SCML4: variants seen among roughly 807,000 people sequenced by gnomAD.
SCML4 encodes sex comb on midleg-like protein 4.
A neutral mutation model predicts 41.1 loss-of-function variants in SCML4; 34 were observed. The ratio of observed to expected loss-of-function variants is 0.83; its 90% CI spans 0.63 to 1.10. The LOEUF is 1.10. SCML4 is among the 50% of genes least tolerant of loss of function. The pLI is 0.00. For missense variants in SCML4, 522 were observed against 534.1 expected, an observed-to-expected ratio of 0.98 and a Z score of 0.22; for synonymous variants, 214 against 220.9, an observed-to-expected ratio of 0.97 and a Z score of 0.28.
chr6:107,789,754 A>C (rs1458058194), intron 1 of SCML4, among the ~76,000 whole-genome samples: 1 of 152,194 alleles, frequency 6.6e-6, no homozygotes, highest in East Asian at 1.9e-4. Context: ...GAGGATTCCC[A>C]GCCTTGGTGG....
intron 2 of SCML4, among the ~76,000 whole-genome samples, chr6:107,770,865 G>T (rs1247775311): frequency 6.6e-6 from 1 of 152,154 alleles, no homozygotes; most frequent in Non-Finnish European, 1.5e-5. Flanking sequence ...TCGAATCCTG[G>T]ATTTGCTCGA....
chr6:107,811,834 C>T lies in SCML4; in HGVS notation c.-60+12292G>A, dbSNP rs542342370. On this transcript the variant is annotated intron_variant, in intron 1 of 7. Transcript: ENST00000369020. ...CAGAACCCAGAGGGGGACATGAAAACGTCCAGCTTCCTTTATGGCTGTGAG... is the reference window on the plus strand; with the variant it reads ...CAGAACCCAGAGGGGGACATGAAAATGTCCAGCTTCCTTTATGGCTGTGAG... 3.3e-5 allele frequency among the ~76,000 whole-genome samples: 5 copies of T among 152,284 alleles called. No homozygotes were observed. In the East Asian group the frequency reaches 5.8e-4, roughly 18 times the overall value.
At chr6:107,822,675 C>T (rs184481052) in intron 1 of SCML4, among the ~76,000 whole-genome samples, 16 of 152,106 alleles carry the variant, frequency 1.1e-4, no homozygotes, top group East Asian at 9.6e-4. Flanking sequence ...AGCTCATCTA[C>T]GTACACAATT....
In SCML4 at chr6:107,707,876, A is replaced by C. The variant is rs1462236232; in HGVS notation, c.1109T>G (p.Phe370Cys). Residue 370 changes from phenylalanine (F) to cysteine (C), a missense_variant, in exon 7 of 8, where the codon TTC becomes TGC. Physicochemically the swap from Phe to Cys is radical, Grantham distance 205. Transcript: ENST00000369020. Reference sequence around the variant, plus strand: ...CCACCACTCGCATACGTGCTTTCTGAAGAGCTCCACGTGAGGCCCCAGAGC... The same window carrying C: ...CCACCACTCGCATACGTGCTTTCTGCAGAGCTCCACGTGAGGCCCCAGAGC... ...PQALGPHVELFRKHEIDGNAL... is the reference protein window; with the variant it reads ...PQALGPHVELCRKHEIDGNAL... The C allele has an allele frequency of 6.4e-7, 1 of 1,551,628 alleles. No individual in the cohort carries two copies. Among genetic ancestry groups the C allele is most frequent in the Non-Finnish European group, 8.7e-7 (1 of 1,146,980 alleles).
chr6:107,802,519 T>C (rs2114635707), intron 1 of SCML4, among the ~76,000 whole-genome samples: 1 of 132,286 alleles, frequency 7.6e-6, no homozygotes, highest in South Asian at 2.4e-4. Flanking sequence ...GGGAGAGAGG[T>C]GGGGGCAGAG....
At chr6:107,816,223 C>G (rs999070421) in intron 1 of SCML4, among the ~76,000 whole-genome samples, 3 of 152,096 alleles carry the variant, frequency 2.0e-5, no homozygotes, top group Non-Finnish European at 2.9e-5. Flanking sequence ...GGATCAAACA[C>G]GATAAGTAAG....
chr6:107,745,273 C>T, intron 4 of SCML4, 130 bp from the exon 5 acceptor site: 1 of 674,270 alleles, frequency 1.5e-6, no homozygotes, highest in Non-Finnish European at 2.5e-6. Flanking sequence ...TGGATTTCAC[C>T]TGTTTGTTCA....
rs73762063 is a variant in SCML4, at chr6:107,754,199, T to A, written c.157-4386A>T. ...GCTCTCAAGGGAACCTCTATATTAATCAGAAACTATAATTAACAATAGAGA... is the reference window on the plus strand; with the variant it reads ...GCTCTCAAGGGAACCTCTATATTAAACAGAAACTATAATTAACAATAGAGA... On this transcript the variant is annotated intron_variant, in intron 2 of 7. Coordinates refer to ENST00000369020, the MANE Select transcript of SCML4 (RefSeq NM_198081.5). Among the ~76,000 whole-genome samples, 1,217 of 152,312 alleles carry A rather than the reference T, an allele frequency of 8.0e-3. 13 individuals carry two copies. Among genetic ancestry groups the A allele is most frequent in the African/African-American group, 0.028 (1,162 of 41,554 alleles).
chr6:107,813,443 C>CATATT (rs1447367523), intron 1 of SCML4, among the ~76,000 whole-genome samples: 6 of 115,668 alleles, frequency 5.2e-5, no homozygotes, highest in African/African-American at 2.0e-4. Context: ...AAATTAAATA[C>CATATT]ATATTAAAAT....
intron 2 of SCML4, among the ~76,000 whole-genome samples, chr6:107,766,145 G>A (rs112231274): frequency 0.024 from 3,663 of 152,174 alleles, 153 homozygotes; most frequent in African/African-American, 0.085. Context: ...CCAGGTGGGC[G>A]GATCACCTGA....
intron 5 of SCML4, 107 bp from the exon 6 acceptor site, chr6:107,721,100 T>C: frequency 7.3e-7 from 1 of 1,364,962 alleles, no homozygotes; most frequent in Non-Finnish European, 9.8e-7. Context: ...TAGCCAGTAT[T>C]TGTGAGCATG....
rs894734929 is a variant in SCML4, at chr6:107,707,337, A to T, written c.1119+529T>A. On this transcript the variant is annotated intron_variant, in intron 7 of 7. Coordinates refer to ENST00000369020, the MANE Select transcript of SCML4 (RefSeq NM_198081.5). ...AAAAACAAACAAAAACAAAATGCAT[A>T]TAGTAAGCCTGGCAGGTAAATTATT... Among the ~76,000 whole-genome samples the T allele has an allele frequency of 9.3e-5, 14 of 151,038 alleles. 1 individual carries two copies. The Admixed American group carries it at 9.3e-4, about 10-fold the overall frequency.
At position 107,708,114 on chromosome 6, in the gene SCML4, G is replaced by A. The variant is rs1773858450; in HGVS notation, c.974-103C>T. 8 of 1,355,964 alleles carry A rather than the reference G, an allele frequency of 5.9e-6. No individual in the cohort carries two copies. The African/African-American group carries it at 7.2e-5, about 12-fold the overall frequency. The allele number at this position is 1,355,964 out of a possible 1,614,324, so 84.0% of individuals were successfully genotyped here. On this transcript the variant is annotated intron_variant, in intron 6 of 7. Transcript: ENST00000369020. The stretch of plus-strand genomic sequence containing the variant: ...CTAGCCTGGAAGGGGGATCCTCAGT[G>A]CCCATGAGTCCAAGGACCTGGCCCA...
intron 1 of SCML4, among the ~76,000 whole-genome samples, chr6:107,778,223 ATATAT>A (rs1445915583): frequency 1.3e-3 from 4 of 3,140 alleles, no homozygotes; most frequent in African/African-American, 1.7e-3. Flanking sequence ...AAAAAAAAAA[ATATAT>A]ATATATATAT....
chr6:107,829,060 C>T (rs894488216), upstream of SCML4, among the ~76,000 whole-genome samples: 2 of 151,978 alleles, frequency 1.3e-5, no homozygotes, highest in Admixed American at 6.6e-5. Flanking sequence ...TATCCAGGAT[C>T]AAATTTTATT....
At chr6:107,823,173 A>C (rs80256497) in intron 1 of SCML4, among the ~76,000 whole-genome samples, 4,391 of 152,234 alleles carry the variant, frequency 0.029, 228 homozygotes, top group African/African-American at 0.1. Context: ...ATCAGTAAAA[A>C]ACCACTTTCT....
upstream of SCML4, among the ~76,000 whole-genome samples, chr6:107,827,341 AT>A (rs932759087): frequency 1.4e-5 from 2 of 146,624 alleles, no homozygotes; most frequent in African/African-American, 5.0e-5. Flanking sequence ...ATATCTTTAT[AT>A]TTTTTACTTA....
intron 1 of SCML4, among the ~76,000 whole-genome samples, chr6:107,779,329 G>A (rs1213895782): frequency 6.6e-6 from 1 of 152,138 alleles, no homozygotes; most frequent in Non-Finnish European, 1.5e-5. Context: ...CCAAGGAGGA[G>A]GGAGATCAAT....
chr6:107,726,176 T>C (rs1314085258), intron 5 of SCML4, among the ~76,000 whole-genome samples: 1 of 151,558 alleles, frequency 6.6e-6, no homozygotes, highest in Non-Finnish European at 1.5e-5. Flanking sequence ...GGGACTTGTA[T>C]ATCTTGTAAA....
Sources: gnomAD v4.1 joint callset for allele counts (sites outside exome capture counted in the v4.1 genomes callset) on GRCh38, gnomAD v4.1.1 for gene constraint, MANE v1.5 for transcripts, NCBI Gene and HGNC (gene_info 2026-07-23, HGNC 2026-07-21) for gene names.